WWC1: variants seen among roughly 807,000 people sequenced by gnomAD.
WWC1 encodes the protein protein KIBRA.
WWC1 carries 55 observed loss-of-function variants against 138.4 expected under a neutral mutation model. The observed-to-expected ratio is 0.40, with a 90% CI of 0.32 to 0.50. The LOEUF (loss-of-function observed/expected upper bound fraction) is 0.50. WWC1 is among the 20% of genes least tolerant of loss of function. The probability of loss-of-function intolerance (pLI) is 0.72; values close to 1 mark genes in which losing one functional copy is unlikely to be tolerated. For synonymous variants in WWC1, 524 were observed against 564.9 expected (o/e 0.93, Z 1.03); for missense variants, 1,226 against 1,420.4 (o/e 0.86, Z 2.20).
chr5:168,386,099 C>G (rs554306059), intron 3 of WWC1, among the ~76,000 whole-genome samples: 2 of 152,228 alleles, frequency 1.3e-5, no homozygotes, highest in African/African-American at 4.8e-5. Flanking sequence ...GTCACGCATC[C>G]ATTTGCAAGG....
At chr5:168,383,322 C>A (rs2337135) in intron 2 of WWC1, among the ~76,000 whole-genome samples, 37,899 of 152,052 alleles carry the variant, frequency 0.25, 4,941 homozygotes, top group South Asian at 0.41. Context: ...GTTTCCTGGG[C>A]AGTAGTGATG....
rs1354123052 is a variant in WWC1 at position 168,410,931 on chromosome 5, C to CTTTTTTTT, written c.941+950_941+957dup. Among the ~76,000 whole-genome samples, 6 of 114,480 alleles carry CTTTTTTTT rather than the reference C, an allele frequency of 5.2e-5. 2 individuals carry two copies. The highest frequency in any genetic ancestry group is 7.1e-5 in the Non-Finnish European group (4 of 56,548). 75.1% of individuals were successfully genotyped at this position (114,480 alleles called of 152,430 possible). ...TCTGTCTTTAAGTTCATGATCTTTG[C>CTTTTTTTT]TTTTTTTTTTTTTTTTTTTTTGAGA... On this transcript the variant is annotated intron_variant, in intron 8 of 22. Transcript: ENST00000265293.
At position 168,466,611 on chromosome 5, in the gene WWC1, T is replaced by G. The variant is rs545556044; in HGVS notation, c.3151-1229T>G. Reference sequence around the variant, plus strand: ...GGCAGTTCTAAAGTTCCAGAAAAGTTTATTTCTTTCTTATTTATACCCTGT... The same window carrying G: ...GGCAGTTCTAAAGTTCCAGAAAAGTGTATTTCTTTCTTATTTATACCCTGT... On this transcript the variant is annotated intron_variant, in intron 21 of 22. Coordinates refer to ENST00000265293, the MANE Select transcript of WWC1 (RefSeq NM_015238.3). Among the ~76,000 whole-genome samples, 9 of 152,334 alleles carry G rather than the reference T, an allele frequency of 5.9e-5. No homozygotes were observed. The South Asian group carries it at 1.9e-3, about 32-fold the overall frequency.
Position 168,456,330 on chromosome 5 carries a change from G to A in WWC1, c.2823+810G>A, listed in dbSNP as rs574018853. Among the ~76,000 whole-genome samples the A allele has an allele frequency of 2.7e-5, 4 of 150,510 alleles. No homozygotes were observed. In the East Asian group the frequency reaches 8.0e-4, roughly 30 times the overall value. On this transcript the variant is annotated intron_variant, in intron 19 of 22. Coordinates refer to ENST00000265293, the MANE Select transcript of WWC1 (RefSeq NM_015238.3). Reference sequence around the variant, plus strand: ...AAAAAAAAATTATTTTTAAATTAAAGGGCAGTTAAAAATAAAATAAACCTG... The same window carrying A: ...AAAAAAAAATTATTTTTAAATTAAAAGGCAGTTAAAAATAAAATAAACCTG...
In WWC1 at chr5:168,328,689, A is replaced by G. The variant is rs563961338; in HGVS notation, c.119+36418A>G. On this transcript the variant is annotated intron_variant, in intron 1 of 22. Transcript: ENST00000265293. Reference sequence around the variant, plus strand: ...AGCCTCCCGAACAGCTGGGACTACAAGCATGCCCGGCTAATTTTTGTATTT... The same window carrying G: ...AGCCTCCCGAACAGCTGGGACTACAGGCATGCCCGGCTAATTTTTGTATTT... Among the ~76,000 whole-genome samples, 138 of 152,088 alleles carry G rather than the reference A, an allele frequency of 9.1e-4. 3 individuals carry two copies. Among genetic ancestry groups the G allele is most frequent in the East Asian group, 1.2e-3 (6 of 5,174 alleles).
rs1755047570 is a variant in WWC1 at position 168,444,377 on chromosome 5, T to C, written c.2434-117T>C. 5 of 1,047,462 alleles carry C rather than the reference T, an allele frequency of 4.8e-6. No homozygotes were observed. The South Asian group carries it at 7.1e-5, about 15-fold the overall frequency. The allele number at this position is 1,047,462 out of a possible 1,614,324, so 64.9% of individuals were successfully genotyped here. A position where few individuals can be genotyped will look rare whatever the true frequency, so the allele number is the denominator to read the frequency against. On this transcript the variant is annotated intron_variant, in intron 16 of 22. Coordinates refer to ENST00000265293, the MANE Select transcript of WWC1 (RefSeq NM_015238.3). ...TGGGCAAGACACTTGACCACTCTGG[T>C]CTTTGGTTTCACCATCAATTCACTG...
At position 168,431,428 on chromosome 5, in the gene WWC1, A is replaced by G. The variant is rs1217024948; in HGVS notation, c.2264A>G (p.His755Arg). 1 of 1,611,840 alleles carries G rather than the reference A, an allele frequency of 6.2e-7. No individual in the cohort carries two copies. The highest frequency in any genetic ancestry group is 8.5e-7 in the Non-Finnish European group (1 of 1,179,598). ...RVDVCTTDRS[H>R]LEECLGGAQI... is the part of the protein sequence containing the mutation. ...GATGTCTGTACCACCGACAGGAGCC[A>G]TCTGGAAGAGTGCCTGGTAAGGGCC... The change falls in exon 15 of 23, where the codon CAT becomes CGT. Residue 755 changes from histidine to arginine, a missense_variant. Coordinates refer to ENST00000265293, the MANE Select transcript of WWC1 (RefSeq NM_015238.3).
At chr5:168,414,738 TAGGAAATC>T in intron 9 of WWC1, 148 bp downstream of exon 9, 2 of 1,197,048 alleles carry the variant, frequency 1.7e-6, no homozygotes, top group Non-Finnish European at 1.1e-6. Context: ...GTTGCCGACA[TAGGAAATC>T]AGGAAAGATG....
intron 9 of WWC1, among the ~76,000 whole-genome samples, chr5:168,421,587 C>T (rs568710305): frequency 1.5e-4 from 23 of 152,106 alleles, no homozygotes; most frequent in African/African-American, 5.3e-4. Flanking sequence ...CAGTACAAAA[C>T]GGGCATTCAG....
intron 1 of WWC1, among the ~76,000 whole-genome samples, chr5:168,338,287 G>A (rs924199265): frequency 2.0e-5 from 3 of 150,388 alleles, no homozygotes; most frequent in African/African-American, 7.4e-5. Flanking sequence ...CTCCAGCTTG[G>A]GCAACAGAGT....
In WWC1 at chr5:168,428,714, G is replaced by A. The variant is rs1465753870; in HGVS notation, c.1927G>A (p.Ala643Thr). 1.9e-6 allele frequency: 3 copies of A among 1,613,866 alleles called. No homozygotes were observed. Among genetic ancestry groups the A allele is most frequent in the African/African-American group, 2.7e-5 (2 of 74,916 alleles). ...TCCCCTGTTGCCTTTCAGACTGGGTGCTTCAGAAGCTGCTGCATTTGACAG... is the reference window on the plus strand; with the variant it reads ...TCCCCTGTTGCCTTTCAGACTGGGTACTTCAGAAGCTGCTGCATTTGACAG... The part of the protein sequence containing the change: ...VYEASVQRLG[A>T]SEAAAFDSDE... Residue 643 changes from alanine (A) to threonine (T), a missense_variant, in exon 13 of 23, where the codon GCT becomes ACT. By Grantham distance (58) the Ala-to-Thr change is moderately conservative (BLOSUM62 0). Transcript: ENST00000265293.
At chr5:168,419,275 G>T (rs1190004435) in intron 9 of WWC1, among the ~76,000 whole-genome samples, 1 of 152,216 alleles carries the variant, frequency 6.6e-6, no homozygotes. Flanking sequence ...GACATGAGGG[G>T]ATGGAGGCCA....
At chr5:168,310,867 C>T (rs1475905780) in intron 1 of WWC1, among the ~76,000 whole-genome samples, 1 of 146,510 alleles carries the variant, frequency 6.8e-6, no homozygotes, top group East Asian at 1.9e-4. Flanking sequence ...AGATACGTTT[C>T]TTTTTACTGC....
At chr5:168,427,998 G>T (rs369435739) in intron 11 of WWC1, 35 bp from the exon 12 acceptor site, 3 of 1,590,678 alleles carry the variant, frequency 1.9e-6, no homozygotes, top group Non-Finnish European at 1.7e-6. Context: ...CAGTTTCCTG[G>T]TTCCTGAACC....
chr5:168,403,881 C>G (rs972989473), intron 5 of WWC1, among the ~76,000 whole-genome samples: 1 of 149,974 alleles, frequency 6.7e-6, no homozygotes, highest in African/African-American at 2.5e-5. Context: ...TACACACACA[C>G]ACACACACAC....
At chr5:168,431,867 C>T (rs1010649105) in intron 15 of WWC1, among the ~76,000 whole-genome samples, 3 of 151,934 alleles carry the variant, frequency 2.0e-5, no homozygotes, top group African/African-American at 7.3e-5. Context: ...TGCAGGAGTT[C>T]GAAAGCAGCC....
intron 10 of WWC1, among the ~76,000 whole-genome samples, chr5:168,423,148 C>CTCAAAAA (rs373732656): frequency 4.7e-5 from 5 of 106,910 alleles, no homozygotes; most frequent in Non-Finnish European, 9.2e-5. Flanking sequence ...CCATCCCCCC[C>CTCAAAAA]CAAAAAAAAA....
rs1780346449 is a variant in WWC1, at chr5:168,413,021, A to G, written c.942-1327A>G. 2.0e-5 allele frequency among the ~76,000 whole-genome samples: 3 copies of G among 152,192 alleles called. No homozygotes were observed. In the South Asian group the frequency reaches 6.2e-4, roughly 31 times the overall value. ...CAAGCAAATCTAGGTATGTTTTTCT[A>G]CATGGAATTTTTGCTGCACATCATG... is the stretch of plus-strand genomic sequence containing the variant. On this transcript the variant is annotated intron_variant, in intron 8 of 22. Coordinates refer to ENST00000265293, the MANE Select transcript of WWC1 (RefSeq NM_015238.3).
In WWC1 at chr5:168,444,494, G is replaced by A. The variant is rs765363256; in HGVS notation, c.2434G>A (p.Asp812Asn). Residue 812 changes from aspartate to asparagine, a missense_variant and splice_region_variant, in exon 17 of 23, where the codon GAC becomes AAC. Transcript: ENST00000265293. ...GACCCAGCAACCTTTGTCTCTATAG[G>A]ACGCTGTGTCTGCTCTGTTGGAACA... ...MAPASGPAST[D>N]AVSALLEQTA... 6.4e-7 allele frequency: 1 copy of A among 1,569,592 alleles called. No homozygotes were observed. The highest frequency in any genetic ancestry group is 8.7e-7 in the Non-Finnish European group (1 of 1,155,862).
Sources: gnomAD v4.1 joint callset for allele counts (sites outside exome capture counted in the v4.1 genomes callset) on GRCh38, gnomAD v4.1.1 for gene constraint, MANE v1.5 for transcripts, NCBI Gene and HGNC (gene_info 2026-07-23, HGNC 2026-07-21) for gene names.